The following SYT9 variants were observed in gnomAD, a reference collection of about 807,000 sequenced individuals.
SYT9 encodes synaptotagmin-9.
SYT9 carries 22 observed loss-of-function variants against 48.4 expected under a neutral mutation model. The observed-to-expected ratio is 0.45, with a 90% CI of 0.32 to 0.65. SYT9 has a LOEUF of 0.65. Among genes scored for constraint, SYT9 ranks in the 30% least tolerant of loss-of-function variants. The pLI, the probability that SYT9 is intolerant of heterozygous loss-of-function variation, is 0.03. For missense variants in SYT9, 577 were observed against 622.0 expected, an observed-to-expected ratio of 0.93 and a Z score of 0.77; for synonymous variants, 265 against 245.0, an observed-to-expected ratio of 1.08 and a Z score of -0.76.
intron 3 of SYT9, among the ~76,000 whole-genome samples, chr11:7,403,794 G>C (rs1161154745): frequency 6.6e-6 from 1 of 151,938 alleles, no homozygotes; most frequent in East Asian, 1.9e-4. Context: ...TTCTATTACT[G>C]TTTGGTAAAC....
chr11:7,242,913 G>A (rs12274068), intron 1 of SYT9, among the ~76,000 whole-genome samples: 3,442 of 152,172 alleles, frequency 0.023, 151 homozygotes, highest in African/African-American at 0.079. Flanking sequence ...AGGCATGATG[G>A]TGGGTGCCTG....
chr11:7,422,052 G>T (rs1454174578), intron 6 of SYT9, among the ~76,000 whole-genome samples: 1 of 152,194 alleles, frequency 6.6e-6, no homozygotes, highest in Non-Finnish European at 1.5e-5. Flanking sequence ...GCTTTCCTCT[G>T]TTCTCCTGGT....
intron 6 of SYT9, chr11:7,454,324 C>T (rs1848109868): frequency 2.0e-6 from 2 of 984,566 alleles, no homozygotes; most frequent in African/African-American, 1.7e-5. Flanking sequence ...TGATGCTTAC[C>T]ATTTCCGCTC....
intron 1 of SYT9, among the ~76,000 whole-genome samples, chr11:7,282,909 A>AACACACACACACACACGC (rs1554900159): frequency 1.4e-5 from 2 of 147,858 alleles, no homozygotes; most frequent in Non-Finnish European, 3.0e-5. Context: ...ACCGTGTTAA[A>AACACACACACACACACGC]ACACACACAC....
intron 3 of SYT9, among the ~76,000 whole-genome samples, chr11:7,382,131 A>G (rs1377440159): frequency 6.6e-6 from 1 of 152,196 alleles, no homozygotes; most frequent in African/African-American, 2.4e-5. Context: ...GCTCCCTTCT[A>G]TGCTGTGCAA....
chr11:7,297,774 G>T (rs1848841978), intron 1 of SYT9, among the ~76,000 whole-genome samples: 1 of 152,102 alleles, frequency 6.6e-6, no homozygotes, highest in Non-Finnish European at 1.5e-5. Context: ...GACTTTTTCA[G>T]CCCTCATGCT....
intron 3 of SYT9, among the ~76,000 whole-genome samples, chr11:7,383,415 C>T (rs1850601464): frequency 6.6e-6 from 1 of 152,146 alleles, no homozygotes; most frequent in Admixed American, 6.5e-5. Flanking sequence ...GACATTTGAT[C>T]CAAAGACCCC....
intron 6 of SYT9, among the ~76,000 whole-genome samples, chr11:7,458,978 T>A (rs1468317577): frequency 6.6e-6 from 1 of 152,142 alleles, no homozygotes; most frequent in Non-Finnish European, 1.5e-5. Flanking sequence ...CCATTAGGAG[T>A]CTACTGCTAT....
intron 3 of SYT9, among the ~76,000 whole-genome samples, chr11:7,415,777 T>C (rs1270788736): frequency 6.6e-6 from 1 of 152,176 alleles, no homozygotes; most frequent in African/African-American, 2.4e-5. Flanking sequence ...GGGCTGCCGG[T>C]GACTGGATAC....
At chr11:7,248,093 T>C (rs1847817201), upstream of SYT9, among the ~76,000 whole-genome samples, 1 of 152,242 alleles carries the variant, frequency 6.6e-6, no homozygotes, top group African/African-American at 2.4e-5. Context: ...TTGACCATTT[T>C]TTCATGTTTG....
intron 6 of SYT9, among the ~76,000 whole-genome samples, chr11:7,466,451 A>G (rs1237108378): frequency 6.6e-6 from 1 of 152,148 alleles, no homozygotes; most frequent in African/African-American, 2.4e-5. Context: ...GGCCAGGCAC[A>G]GTGACTCACG....
chr11:7,331,492 A>G (rs1168315955), intron 3 of SYT9, among the ~76,000 whole-genome samples: 1 of 152,056 alleles, frequency 6.6e-6, no homozygotes, highest in East Asian at 2.0e-4. Context: ...AAGGCTATTC[A>G]CAAGCCGAGG....
chr11:7,313,999 A>G, intron 3 of SYT9, 58 bp downstream of exon 3: 1 of 1,548,872 alleles, frequency 6.5e-7, no homozygotes, highest in Non-Finnish European at 8.7e-7. Flanking sequence ...GCAAGGAAAC[A>G]GATTACTTAC....
intron 6 of SYT9, chr11:7,435,410 AG>A (rs1199126374): frequency 6.6e-6 from 1 of 152,262 alleles, no homozygotes; most frequent in African/African-American, 2.4e-5. Flanking sequence ...AATTCTCTAA[AG>A]CCCCCATGCA....
chr11:7,332,069 G>A (rs1385262612), intron 3 of SYT9, among the ~76,000 whole-genome samples: 2 of 152,160 alleles, frequency 1.3e-5, no homozygotes, highest in African/African-American at 2.4e-5. Flanking sequence ...AGGGATTCTC[G>A]TGCAAGTGAC....
At chr11:7,313,360 G>C (rs1849175449) in intron 2 of SYT9, 35 bp from the exon 3 acceptor site, 2 of 1,566,000 alleles carry the variant, frequency 1.3e-6, no homozygotes, top group Non-Finnish European at 1.7e-6. Context: ...AGCTAATAAG[G>C]TTATAACTTT....
chr11:7,432,582 A>ATATAT (rs1564902063), intron 6 of SYT9, among the ~76,000 whole-genome samples: 2 of 3,510 alleles, frequency 5.7e-4, no homozygotes, highest in Non-Finnish European at 5.6e-4. Context: ...AAAAAAAAAA[A>ATATAT]ATATATATAC....
chr11:7,363,260 T>C (rs1312116934), intron 3 of SYT9, among the ~76,000 whole-genome samples: 1 of 152,186 alleles, frequency 6.6e-6, no homozygotes, highest in Non-Finnish European at 1.5e-5. Context: ...GGAAAACAAC[T>C]AGCCTACATT....
At chr11:7,462,842 A>G (rs1384908999) in intron 6 of SYT9, among the ~76,000 whole-genome samples, 1 of 152,214 alleles carries the variant, frequency 6.6e-6, no homozygotes, top group Non-Finnish European at 1.5e-5. Flanking sequence ...TCAGATTCAC[A>G]GAGAGATATT....
Sources: gnomAD v4.1 joint callset for allele counts (sites outside exome capture counted in the v4.1 genomes callset) on GRCh38, gnomAD v4.1.1 for gene constraint, MANE v1.5 for transcripts, NCBI Gene and HGNC (gene_info 2026-07-23, HGNC 2026-07-21) for gene names.